The following TTC3 variants were observed in gnomAD, a reference collection of about 807,000 sequenced individuals.
The protein encoded by TTC3 is E3 ubiquitin-protein ligase TTC3.
TTC3 carries 180 observed loss-of-function variants against 249.6 expected under a neutral mutation model. That is an observed-to-expected ratio of 0.72 (90% CI 0.64 to 0.82). The LOEUF is 0.82. Ranked by LOEUF, TTC3 falls within the 40% of genes least tolerant of loss-of-function variation. TTC3 has a pLI of 0.00. For synonymous variants in TTC3, 717 were observed against 805.0 expected (o/e 0.89, Z 1.85); for missense variants, 2,061 against 2,398.4 (o/e 0.86, Z 2.94).
intron 13 of TTC3, among the ~76,000 whole-genome samples, chr21:37,124,271 A>G (rs2076879955): frequency 6.6e-6 from 1 of 151,330 alleles, no homozygotes; most frequent in African/African-American, 2.4e-5. Context: ...ACATGCCACC[A>G]CACCTGGCTA....
At chr21:37,074,931 G>A (rs1601164509) in intron 1 of TTC3, among the ~76,000 whole-genome samples, 1 of 152,034 alleles carries the variant, frequency 6.6e-6, no homozygotes, top group African/African-American at 2.4e-5. Flanking sequence ...TTTTACAGAC[G>A]TGATTATTTA....
At chr21:37,123,802 G>A (rs1333480798) in intron 13 of TTC3, among the ~76,000 whole-genome samples, 3 of 151,668 alleles carry the variant, frequency 2.0e-5, no homozygotes, top group Non-Finnish European at 4.4e-5. Context: ...AGGCTGGAGT[G>A]CGGTGTTATG....
At chr21:37,134,448 CA>C (rs79295622) in intron 17 of TTC3, among the ~76,000 whole-genome samples, 18,822 of 142,466 alleles carry the variant, frequency 0.13, 1,307 homozygotes, top group Admixed American at 0.17. Flanking sequence ...GACTCCATCT[CA>C]AAAAAAAAAA....
chr21:37,108,498 G>A, intron 11 of TTC3, 52 bp downstream of exon 11: 1 of 1,529,038 alleles, frequency 6.5e-7, no homozygotes. Flanking sequence ...ACAACATTGT[G>A]AAAAATCTGT....
chr21:37,094,052 G>A, exon 8 of TTC3: 2 of 1,608,536 alleles, frequency 1.2e-6, no homozygotes, highest in Non-Finnish European at 1.7e-6. Flanking sequence ...CAATTTGCTT[G>A]AAGAACTTAA....
At chr21:37,079,517 G>GTTTTTTTTTTTTTTT (rs60361476) in intron 1 of TTC3, among the ~76,000 whole-genome samples, 4 of 91,224 alleles carry the variant, frequency 4.4e-5, no homozygotes, top group Non-Finnish European at 6.1e-5. Flanking sequence ...TTATGGTATG[G>GTTTTTTTTTTTTTTT]TTTTTTTTTT....
At chr21:37,152,239 C>G (rs1427905568) in intron 26 of TTC3, among the ~76,000 whole-genome samples, 1 of 152,142 alleles carries the variant, frequency 6.6e-6, no homozygotes, top group African/African-American at 2.4e-5. Flanking sequence ...TGTATTCCCA[C>G]TGAAAAACCT....
At chr21:37,176,183 G>A (rs1029629247) in intron 35 of TTC3, among the ~76,000 whole-genome samples, 8 of 152,164 alleles carry the variant, frequency 5.3e-5, no homozygotes, top group Non-Finnish European at 8.8e-5. Context: ...ATTGCTGAAG[G>A]ACATAGGTTC....
At chr21:37,168,698 T>C (rs887477261) in intron 34 of TTC3, among the ~76,000 whole-genome samples, 1 of 149,022 alleles carries the variant, frequency 6.7e-6, no homozygotes, top group African/African-American at 2.5e-5. Context: ...ATTAGTTATG[T>C]ATATTGCTGT....
intron 35 of TTC3, among the ~76,000 whole-genome samples, chr21:37,175,722 C>T (rs2082212532): frequency 6.6e-6 from 1 of 151,502 alleles, no homozygotes; most frequent in African/African-American, 2.4e-5. Flanking sequence ...CCTCTTTAGG[C>T]AATTAGGCCA....
In TTC3 at chr21:37,088,933, A is replaced by G. The variant is rs183928206; in HGVS notation, c.426+47A>G. On this transcript the variant is annotated intron_variant, in intron 5 of 45. Coordinates refer to ENST00000355666, the Ensembl canonical transcript of TTC3. ...CCCCCGAGCCCTTGGTTTAAATAATATAAGCATTTATATGGTGTTAGGCTC... is the reference window on the plus strand; with the variant it reads ...CCCCCGAGCCCTTGGTTTAAATAATGTAAGCATTTATATGGTGTTAGGCTC... 1.9e-4 allele frequency: 284 copies of G among 1,522,826 alleles called. No individual in the cohort carries two copies. In the African/African-American group the frequency reaches 3.4e-3, roughly 18 times the overall value. 94.3% of individuals were successfully genotyped at this position (1,522,826 alleles called of 1,614,324 possible). A position where few individuals can be genotyped will look rare whatever the true frequency, so the allele number is the denominator to read the frequency against.
At chr21:37,161,825 A>C (rs1317970840) in intron 30 of TTC3, among the ~76,000 whole-genome samples, 165 bp from the exon 31 acceptor site, 1 of 152,150 alleles carries the variant, frequency 6.6e-6, no homozygotes, top group Non-Finnish European at 1.5e-5. Flanking sequence ...GGCTGTTGAA[A>C]CTTTTATTAC....
In TTC3 at chr21:37,172,820, G is replaced by A. The variant is rs916413778; in HGVS notation, c.4617+76G>A. The A allele has an allele frequency of 3.3e-6, 5 of 1,533,282 alleles. No homozygotes were observed. In the African/African-American group the frequency reaches 4.2e-5, roughly 13 times the overall value. 95.0% of individuals were successfully genotyped at this position (1,533,282 alleles called of 1,614,324 possible). A position where few individuals can be genotyped will look rare whatever the true frequency, so the allele number is the denominator to read the frequency against. ...ATGTGAGTGTAGCTGTGCTTGTGCG[G>A]CCTCAGCTGAACTTCTGCATTGGTG... On this transcript the variant is annotated intron_variant, in intron 35 of 45. Coordinates refer to ENST00000355666, the Ensembl canonical transcript of TTC3.
At chr21:37,079,811 G>A (rs1033343116) in intron 1 of TTC3, among the ~76,000 whole-genome samples, 6 of 151,974 alleles carry the variant, frequency 3.9e-5, no homozygotes, top group African/African-American at 1.5e-4. Flanking sequence ...TAGGATTACA[G>A]GTGTGAGCCA....
At chr21:37,112,635 C>T (rs1465061661) in intron 11 of TTC3, among the ~76,000 whole-genome samples, 1 of 152,188 alleles carries the variant, frequency 6.6e-6, no homozygotes, top group Non-Finnish European at 1.5e-5. Flanking sequence ...GGTACCATTC[C>T]TTCTGAAACT....
intron 17 of TTC3, among the ~76,000 whole-genome samples, chr21:37,134,694 T>A (rs2077771186): frequency 6.6e-6 from 1 of 152,240 alleles, no homozygotes; most frequent in Admixed American, 6.5e-5. Context: ...GACTTACAGC[T>A]ATTCCCATGT....
chr21:37,192,572 G>A (rs1178197738), intron 41 of TTC3, among the ~76,000 whole-genome samples: 2 of 150,428 alleles, frequency 1.3e-5, no homozygotes, highest in African/African-American at 4.9e-5. Context: ...AGTAGCAGTT[G>A]CCTGTTGCGC....
At chr21:37,176,696 C>T (rs1399771894) in intron 35 of TTC3, among the ~76,000 whole-genome samples, 1 of 152,138 alleles carries the variant, frequency 6.6e-6, no homozygotes, top group East Asian at 1.9e-4. Context: ...TCAAAACAGT[C>T]CTTATACAAT....
At chr21:37,091,254 A>G (rs1191394360) in intron 6 of TTC3, 39 bp from the exon 7 acceptor site, 2 of 1,588,666 alleles carry the variant, frequency 1.3e-6, no homozygotes, top group Non-Finnish European at 1.7e-6. Context: ...TTTAGAATTA[A>G]TAACCAAAGC....
Sources: allele counts gnomAD v4.1 joint callset (sites outside exome capture counted in the v4.1 genomes callset), GRCh38; gene constraint gnomAD v4.1.1; transcripts MANE v1.5; gene names NCBI Gene and HGNC (gene_info 2026-07-23, HGNC 2026-07-21).